The following NCR2 variants were observed in gnomAD, a reference collection of about 807,000 sequenced individuals.
The protein encoded by NCR2 is NK cell activating receptor (NKp44).
In NCR2, 35 loss-of-function variants were observed where a neutral mutation model predicts 30.7. That is an observed-to-expected ratio of 1.14 (90% CI 0.87 to 1.51). The LOEUF (loss-of-function observed/expected upper bound fraction) is 1.51, where lower values mean the gene tolerates loss of function less well. NCR2 is among the 40% of genes most tolerant of loss of function. The probability of loss-of-function intolerance (pLI) is 0.00; values close to 1 mark genes in which losing one functional copy is unlikely to be tolerated. For synonymous variants in NCR2, 146 were observed against 134.8 expected (o/e 1.08, Z -0.58); for missense variants, 316 against 328.9 (o/e 0.96, Z 0.30).
chr6:41,340,348 G>C (rs1769138929), intron 2 of NCR2, among the ~76,000 whole-genome samples: 1 of 151,956 alleles, frequency 6.6e-6, no homozygotes, highest in Non-Finnish European at 1.5e-5. Flanking sequence ...TTTTAGTAGA[G>C]ACGTGGTCTC....
chr6:41,342,033 C>T lies in NCR2; in HGVS notation c.531-3C>T, dbSNP rs41273780. On this transcript the variant is annotated splice_region_variant and splice_polypyrimidine_tract_variant and intron_variant, in intron 3 of 4. Transcript: ENST00000373089. ...CTCCCCTTCCTGTCCCTCTGCCTTC[C>T]AGGCCACAGAACTCCACGCTCCGCC... 2,814 of 1,614,018 alleles carry T rather than the reference C, an allele frequency of 1.7e-3. 3 individuals are homozygous for T. The highest frequency in any genetic ancestry group is 2.3e-3 in the Non-Finnish European group (2,667 of 1,179,996).
intron 4 of NCR2, among the ~76,000 whole-genome samples, chr6:41,347,813 AG>A: frequency 6.6e-6 from 1 of 152,322 alleles, no homozygotes; most frequent in South Asian, 2.1e-4. Context: ...TGTCGCAGTC[AG>A]GATGTCAGCA....
intron 4 of NCR2, among the ~76,000 whole-genome samples, chr6:41,346,228 A>G (rs1769296122): frequency 6.6e-6 from 1 of 152,208 alleles, no homozygotes; most frequent in Non-Finnish European, 1.5e-5. Context: ...ATCTACATGA[A>G]TGATTCTTCC....
At position 41,344,960 on chromosome 6, in the gene NCR2, G is replaced by A. The variant is rs544907835; in HGVS notation, c.644+2811G>A. Among the ~76,000 whole-genome samples, 46 of 152,130 alleles carry A rather than the reference G, an allele frequency of 3.0e-4. No individual in the cohort carries two copies. In the South Asian group the frequency reaches 4.0e-3, roughly 13 times the overall value. On this transcript the variant is annotated intron_variant, in intron 4 of 4. Coordinates refer to ENST00000373089, the MANE Select transcript of NCR2 (RefSeq NM_004828.4). ...CCTGGGAGTGTAAGTCTAGACCCAG[G>A]GTTCTAGGCACCAACTGGAACAGAG...
chr6:41,338,842 G>A (rs929352115), intron 2 of NCR2, among the ~76,000 whole-genome samples: 2 of 152,178 alleles, frequency 1.3e-5, no homozygotes, highest in African/African-American at 2.4e-5. Context: ...ATTACCCAAT[G>A]TCGTAAAGCA....
intron 4 of NCR2, among the ~76,000 whole-genome samples, chr6:41,349,714 G>T (rs1373552388): frequency 6.6e-6 from 1 of 152,014 alleles, no homozygotes; most frequent in Non-Finnish European, 1.5e-5. Flanking sequence ...TTCCATACCT[G>T]AAAACAATTT....
At chr6:41,337,729 G>A (rs1168492825) in intron 2 of NCR2, among the ~76,000 whole-genome samples, 1 of 152,144 alleles carries the variant, frequency 6.6e-6, no homozygotes, top group African/African-American at 2.4e-5. Flanking sequence ...AAGCTCAACA[G>A]TTTTATATTT....
chr6:41,346,064 G>T (rs1375127192), intron 4 of NCR2, among the ~76,000 whole-genome samples: 1 of 152,080 alleles, frequency 6.6e-6, no homozygotes, highest in Admixed American at 6.5e-5. Flanking sequence ...CTGCCATTAG[G>T]CTGTATCACT....
intron 2 of NCR2, 75 bp from the exon 3 acceptor site, chr6:41,341,719 C>T: frequency 1.3e-6 from 2 of 1,520,760 alleles, no homozygotes; most frequent in Non-Finnish European, 8.8e-7. Context: ...TCCAACTCCC[C>T]CATCCAGCTC....
At chr6:41,343,178 C>T (rs911808330) in intron 4 of NCR2, among the ~76,000 whole-genome samples, 1 of 152,276 alleles carries the variant, frequency 6.6e-6, no homozygotes, top group Non-Finnish European at 1.5e-5. Context: ...CCTCTACTTG[C>T]TCACCCTCAG....
Position 41,335,779 on chromosome 6 carries a change from C to A in NCR2, c.-98C>A, listed in dbSNP as rs1473768235. 3.8e-6 allele frequency: 5 copies of A among 1,319,996 alleles called. No individual in the cohort carries two copies. Among genetic ancestry groups the A allele is most frequent in the Non-Finnish European group, 5.3e-6 (5 of 936,032 alleles). The allele number at this position is 1,319,996 out of a possible 1,614,324, so 81.8% of individuals were successfully genotyped here. ...CAGCCTGTCTCATTTTTCTATCAGA[C>A]GTGCTGGAAGAGCAGCAGAATCAGG... On this transcript the variant is annotated 5_prime_UTR_variant, in exon 1 of 5. Coordinates refer to ENST00000373089, the MANE Select transcript of NCR2 (RefSeq NM_004828.4).
Position 41,342,119 on chromosome 6 carries a change from G to T in NCR2, c.614G>T (p.Ser205Ile). ...PVFCGLLVAK[S>I]LVLSALLVWW... ...TTCTGTGGACTCCTCGTAGCCAAGA[G>T]CCTGGTGCTGTCAGCCCTGCTCGTC... Residue 205 changes from serine (S) to isoleucine (I), a missense_variant, in exon 4 of 5, where the codon AGC becomes ATC. Ser to Ile is a moderately radical substitution (Grantham distance 142, BLOSUM62 -2). Coordinates refer to ENST00000373089, the MANE Select transcript of NCR2 (RefSeq NM_004828.4). The T allele has an allele frequency of 1.2e-6, 2 of 1,613,466 alleles. No individual in the cohort carries two copies. The highest frequency in any genetic ancestry group is 1.7e-6 in the Non-Finnish European group (2 of 1,179,996).
rs554242211 is a variant in NCR2, at chr6:41,341,737, G to A, written c.395-57G>A. The stretch of plus-strand genomic sequence containing the variant: ...AACTCCCCCATCCAGCTCTCCTGCC[G>A]GCAGGCACAAGTGAGGTCTCCCACT... On this transcript the variant is annotated intron_variant, in intron 2 of 4. Coordinates refer to ENST00000373089, the MANE Select transcript of NCR2 (RefSeq NM_004828.4). 1.2e-4 allele frequency: 179 copies of A among 1,549,130 alleles called. 3 individuals carry two copies. The highest frequency in any genetic ancestry group is 3.6e-4 in the South Asian group (30 of 83,910).
chr6:41,338,779 G>A (rs539991253), intron 2 of NCR2, among the ~76,000 whole-genome samples: 1 of 152,320 alleles, frequency 6.6e-6, no homozygotes, highest in African/African-American at 2.4e-5. Context: ...TCCTGAATAT[G>A]TTGACCTAAG....
At chr6:41,339,810 T>C (rs1581660608) in intron 2 of NCR2, among the ~76,000 whole-genome samples, 2 of 152,192 alleles carry the variant, frequency 1.3e-5, no homozygotes, top group South Asian at 4.1e-4. Flanking sequence ...CCTACCACAA[T>C]GAGAGATTCT....
At position 41,336,425 on chromosome 6, in the gene NCR2, C is replaced by T; in HGVS notation, c.391C>T (p.Pro131Ser). 6 of 1,610,670 alleles carry T rather than the reference C, an allele frequency of 3.7e-6. No individual in the cohort carries two copies. The highest frequency in any genetic ancestry group is 5.1e-6 in the Non-Finnish European group (6 of 1,177,388). The change falls in exon 2 of 5, where the codon CCA becomes TCA. Residue 131 changes from proline to serine, a missense_variant. Pro to Ser is a moderately conservative substitution (Grantham distance 74). Coordinates refer to ENST00000373089, the MANE Select transcript of NCR2 (RefSeq NM_004828.4). ...CGTCAGATTCTATCTGGTGGTATCT[C>T]CAGGTGAGCTCTTTCCCTAGGGTCC... ...KSVRFYLVVS[P>S]ASASTQTSWT... is the part of the protein sequence containing the mutation.
In NCR2 at chr6:41,342,025, C is replaced by T. The variant is rs757160131; in HGVS notation, c.531-11C>T. The T allele has an allele frequency of 1.9e-6, 3 of 1,613,872 alleles. No individual in the cohort carries two copies. On this transcript the variant is annotated splice_polypyrimidine_tract_variant and intron_variant, in intron 3 of 4. Transcript: ENST00000373089. ...CCCGTCCTCTCCCCTTCCTGTCCCT[C>T]TGCCTTCCAGGCCACAGAACTCCAC...
chr6:41,339,223 G>T (rs6928535), intron 2 of NCR2, among the ~76,000 whole-genome samples: 75,632 of 151,732 alleles, frequency 0.5, 21,104 homozygotes, highest in Admixed American at 0.63. Flanking sequence ...CACCACACCC[G>T]GCTAATTTTT....
chr6:41,344,348 G>A (rs1436778676), intron 4 of NCR2, among the ~76,000 whole-genome samples: 4 of 152,058 alleles, frequency 2.6e-5, no homozygotes, highest in East Asian at 3.9e-4. Flanking sequence ...GCCTCAACTC[G>A]CCACATTCAA....
Sources: allele counts gnomAD v4.1 joint callset (sites outside exome capture counted in the v4.1 genomes callset), GRCh38; gene constraint gnomAD v4.1.1; transcripts MANE v1.5; gene names NCBI Gene and HGNC (gene_info 2026-07-23, HGNC 2026-07-21).